The following BRWD1 variants were observed in gnomAD, a reference collection of about 807,000 sequenced individuals.
The protein encoded by BRWD1 is bromodomain and WD repeat-containing protein 1.
A neutral mutation model predicts 251.2 loss-of-function variants in BRWD1; 82 were observed. The ratio of observed to expected loss-of-function variants is 0.33; its 90% confidence interval spans 0.27 to 0.39. BRWD1 has a LOEUF of 0.39. Ranked by LOEUF, BRWD1 falls within the 10% of genes least tolerant of loss-of-function variation. The pLI is 1.00. For synonymous variants in BRWD1, 918 were observed against 902.8 expected, an observed-to-expected ratio of 1.02 and a Z score of -0.30; for missense variants, 2,233 against 2,711.6, an observed-to-expected ratio of 0.82 and a Z score of 3.92.
At chr21:39,292,987 G>A (rs559970731) in intron 8 of BRWD1, among the ~76,000 whole-genome samples, 23 of 152,206 alleles carry the variant, frequency 1.5e-4, no homozygotes, top group South Asian at 4.1e-4. Context: ...AAAAAGTGGG[G>A]AGGGGAATCC....
At chr21:39,259,226 G>A (rs1306281289) in intron 17 of BRWD1, among the ~76,000 whole-genome samples, 3 of 152,166 alleles carry the variant, frequency 2.0e-5, no homozygotes, top group Admixed American at 6.5e-5. Context: ...AAGCCTCTCC[G>A]ACTAATCTCA....
intron 17 of BRWD1, 69 bp downstream of exon 17, chr21:39,264,391 T>A (rs898731260): frequency 1.1e-6 from 1 of 938,666 alleles, no homozygotes; most frequent in Admixed American, 3.3e-5. Flanking sequence ...GTAAGGAAAT[T>A]ATTTATATTA....
chr21:39,280,180 A>G lies in BRWD1; in HGVS notation c.900T>C (p.Phe300=). The change falls in exon 9 of 41, where the codon TTT becomes TTC. Residue 300 remains phenylalanine, a synonymous_variant. Coordinates refer to ENST00000342449, the MANE Select transcript of BRWD1 (RefSeq NM_033656.4). ...TTAAGGATTCTAAATCCCATTGCCA[A>G]AAGCAAACTGTCCCATCAGCACCAG... ...VSTGADGTVC[F]WQWDLESLKF... is the part of the protein sequence containing the mutation. 6.2e-7 allele frequency: 1 copy of G among 1,606,802 alleles called. No homozygotes were observed. Among genetic ancestry groups the G allele is most frequent in the East Asian group, 2.2e-5 (1 of 44,582 alleles).
intron 4 of BRWD1, among the ~76,000 whole-genome samples, chr21:39,301,458 A>G (rs2036110510): frequency 6.9e-6 from 1 of 145,634 alleles, no homozygotes; most frequent in Non-Finnish European, 1.5e-5. Context: ...AGTGGCCAAT[A>G]GTCAGGTAGA....
chr21:39,280,917 TAATAA>T (rs2035434736), intron 8 of BRWD1, among the ~76,000 whole-genome samples: 1 of 152,132 alleles, frequency 6.6e-6, no homozygotes, highest in Non-Finnish European at 1.5e-5. Context: ...CATCTGTACT[TAATAA>T]AATACCAAAA....
chr21:39,192,305 T>C lies in BRWD1; in HGVS notation c.*3954A>G. ...TCACAGTTTGAGCTAGGAATTAACA[T>C]TTGCTAATCTAGTTGGACTCAGTTT... On this transcript the variant is annotated 3_prime_UTR_variant, in exon 41 of 41. Transcript: ENST00000342449. The C allele has an allele frequency of 3.0e-6, 3 of 985,296 alleles. No homozygotes were observed. Among genetic ancestry groups the C allele is most frequent in the Non-Finnish European group, 3.6e-6 (3 of 829,838 alleles). The allele number at this position is 985,296 out of a possible 1,614,324, so 61.0% of individuals were successfully genotyped here. A position where few individuals can be genotyped will look rare whatever the true frequency, so the allele number is the denominator to read the frequency against.
At chr21:39,312,782 G>C in intron 4 of BRWD1, 59 bp downstream of exon 4, 1 of 1,425,572 alleles carries the variant, frequency 7.0e-7, no homozygotes, top group South Asian at 1.2e-5. Flanking sequence ...CGAGGGGAAG[G>C]GGCGGGGGCG....
Position 39,258,609 on chromosome 21 carries a change from G to T in BRWD1, c.1949C>A (p.Pro650Gln). Residue 650 changes from proline to glutamine, a missense_variant, in exon 18 of 41, where the codon CCA becomes CAA. Physicochemically the swap from Pro to Gln is moderately conservative, Grantham distance 76. Coordinates refer to ENST00000342449, the MANE Select transcript of BRWD1 (RefSeq NM_033656.4). ...CATTCCATCAAGAATACTCGATTCT[G>T]GGCTGCGTTCATCATTATCATTGGT... ...LQTNDNDERSPESSILDGMIR... is the reference protein window; with the variant it reads ...LQTNDNDERSQESSILDGMIR... 1 of 1,612,232 alleles carries T rather than the reference G, an allele frequency of 6.2e-7. No homozygotes were observed. The highest frequency in any genetic ancestry group is 1.1e-5 in the South Asian group (1 of 90,844).
Position 39,238,529 on chromosome 21 carries a change from C to T in BRWD1, c.2526G>A (p.Glu842=). Reference sequence around the variant, plus strand: ...TTTTTCTGTCACTTCTCCATTCATCCTCTTCTGAAGAACCAGAACCTTCAC... The same window carrying T: ...TTTTTCTGTCACTTCTCCATTCATCTTCTTCTGAAGAACCAGAACCTTCAC... ...DQSEGSGSSE[E]DEWRSDRKSE... is the part of the protein sequence containing the mutation. The change falls in exon 22 of 41, where the codon GAG becomes GAA. Residue 842 remains glutamate (E), a synonymous_variant. Coordinates refer to ENST00000342449, the MANE Select transcript of BRWD1 (RefSeq NM_033656.4). 5 of 1,613,730 alleles carry T rather than the reference C, an allele frequency of 3.1e-6. No individual in the cohort carries two copies. Among genetic ancestry groups the T allele is most frequent in the Non-Finnish European group, 4.2e-6 (5 of 1,179,784 alleles).
chr21:39,293,437 G>A (rs564357949), intron 8 of BRWD1, among the ~76,000 whole-genome samples: 33 of 150,820 alleles, frequency 2.2e-4, no homozygotes, highest in Non-Finnish European at 4.0e-4. Context: ...AGGTTGCAGC[G>A]AGCTGAGATC....
At chr21:39,284,570 A>G (rs1223036346) in intron 8 of BRWD1, among the ~76,000 whole-genome samples, 1 of 152,178 alleles carries the variant, frequency 6.6e-6, no homozygotes, top group African/African-American at 2.4e-5. Flanking sequence ...CCCTTTCTCC[A>G]CATCCTTCCC....
At chr21:39,309,818 C>T (rs1481152006) in intron 4 of BRWD1, among the ~76,000 whole-genome samples, 1 of 133,672 alleles carries the variant, frequency 7.5e-6, no homozygotes, top group East Asian at 2.4e-4. Flanking sequence ...GAGCGAGACT[C>T]CGTCTCAAAA....
intron 29 of BRWD1, among the ~76,000 whole-genome samples, chr21:39,219,126 A>G (rs979158103): frequency 6.6e-6 from 1 of 152,196 alleles, no homozygotes; most frequent in Non-Finnish European, 1.5e-5. Context: ...GTATTTCTTG[A>G]AAAAATAAGG....
chr21:39,296,438 A>C (rs2035964349), intron 5 of BRWD1, 75 bp from the exon 6 acceptor site: 4 of 1,426,930 alleles, frequency 2.8e-6, no homozygotes, highest in Non-Finnish European at 3.7e-6. Flanking sequence ...ATACTTACGT[A>C]TATTGTAATA....
intron 22 of BRWD1, among the ~76,000 whole-genome samples, chr21:39,238,191 C>A (rs372212645): frequency 1.4e-3 from 207 of 149,870 alleles, no homozygotes; most frequent in African/African-American, 4.8e-3. Context: ...TTTTACCACA[C>A]ATACTTTAGA....
rs763764240 is a variant in BRWD1, at chr21:39,196,267, T to G, written c.6802A>C (p.Thr2268Pro). 6.3e-6 allele frequency: 10 copies of G among 1,595,958 alleles called. No individual in the cohort carries two copies. Among genetic ancestry groups the G allele is most frequent in the Non-Finnish European group, 8.5e-6 (10 of 1,171,410 alleles). ...CTGGCTTTCCCTCAAGGTCATAAGG[T>G]GCAACCATTGAAATCTAACACATTT... ...LENVLDFNGC[T>P]L Residue 2268 changes from threonine to proline, a missense_variant, in exon 41 of 41, where the codon ACC becomes CCC. Coordinates refer to ENST00000342449, the MANE Select transcript of BRWD1 (RefSeq NM_033656.4).
intron 38 of BRWD1, among the ~76,000 whole-genome samples, chr21:39,201,952 T>G (rs2032130381): frequency 6.6e-6 from 1 of 152,254 alleles, no homozygotes; most frequent in African/African-American, 2.4e-5. Flanking sequence ...CAGCTACAGT[T>G]ATGCTACCAG....
chr21:39,231,291 C>G (rs2033606352), intron 25 of BRWD1, among the ~76,000 whole-genome samples: 1 of 152,154 alleles, frequency 6.6e-6, no homozygotes, highest in Admixed American at 6.5e-5. Context: ...CAAAATTTTG[C>G]TACCATAACC....
At chr21:39,234,629 A>C (rs2033745357) in intron 23 of BRWD1, among the ~76,000 whole-genome samples, 1 of 152,242 alleles carries the variant, frequency 6.6e-6, no homozygotes, top group African/African-American at 2.4e-5. Flanking sequence ...CAACCAACCC[A>C]GAGTTTTTAC....
Sources: allele counts gnomAD v4.1 joint callset (sites outside exome capture counted in the v4.1 genomes callset), GRCh38; gene constraint gnomAD v4.1.1; transcripts MANE v1.5; gene names NCBI Gene and HGNC (gene_info 2026-07-23, HGNC 2026-07-21).